The following KIAA1549L variants were observed in gnomAD, a reference collection of about 807,000 sequenced individuals.
The protein encoded by KIAA1549L is UPF0606 protein KIAA1549L.
KIAA1549L carries 88 observed loss-of-function variants against 160.7 expected under a neutral mutation model. That is an observed-to-expected ratio of 0.55 (90% CI 0.46 to 0.65). KIAA1549L has a LOEUF of 0.65. KIAA1549L is among the 30% of genes least tolerant of loss of function. The pLI is 0.00. For missense variants in KIAA1549L, 2,258 were observed against 2,437.5 expected (o/e 0.93, Z 1.55); for synonymous variants, 950 against 976.7 (o/e 0.97, Z 0.51).
intron 1 of KIAA1549L, among the ~76,000 whole-genome samples, chr11:33,436,030 C>G (rs1386557377): frequency 6.8e-6 from 1 of 146,310 alleles, no homozygotes; most frequent in Admixed American, 6.8e-5. Context: ...CAACTATTTA[C>G]ATAGTATTAT....
intron 1 of KIAA1549L, among the ~76,000 whole-genome samples, chr11:33,459,482 C>T (rs1250462033): frequency 6.6e-6 from 1 of 152,202 alleles, no homozygotes; most frequent in Non-Finnish European, 1.5e-5. Context: ...CCTTATGATG[C>T]TCAGCCCAGG....
chr11:33,622,780 T>A (rs1850994830), intron 16 of KIAA1549L, among the ~76,000 whole-genome samples: 1 of 152,138 alleles, frequency 6.6e-6, no homozygotes. Context: ...AGGGCAATAC[T>A]CAGGAAGCAG....
At chr11:33,420,920 G>C (rs891407954) in intron 1 of KIAA1549L, among the ~76,000 whole-genome samples, 2 of 152,084 alleles carry the variant, frequency 1.3e-5, no homozygotes, top group African/African-American at 4.8e-5. Context: ...GACTATTCTC[G>C]ATGGATGGAA....
intron 6 of KIAA1549L, among the ~76,000 whole-genome samples, chr11:33,555,700 G>T (rs146898424): frequency 6.6e-6 from 1 of 152,120 alleles, no homozygotes; most frequent in African/African-American, 2.4e-5. Context: ...ATCTAAAACC[G>T]TAGGACTTTT....
At chr11:33,443,758 G>C (rs1449794947) in intron 1 of KIAA1549L, among the ~76,000 whole-genome samples, 1 of 151,866 alleles carries the variant, frequency 6.6e-6, no homozygotes, top group Non-Finnish European at 1.5e-5. Flanking sequence ...TTGAAATACA[G>C]CTTTATTCAC....
At chr11:33,456,491 AC>A (rs1481410377) in intron 1 of KIAA1549L, among the ~76,000 whole-genome samples, 1 of 151,988 alleles carries the variant, frequency 6.6e-6, no homozygotes, top group Non-Finnish European at 1.5e-5. Flanking sequence ...GCTCACTGCA[AC>A]CTTGACCTTC....
At chr11:33,520,319 A>G (rs942893843) in intron 1 of KIAA1549L, among the ~76,000 whole-genome samples, 3 of 152,074 alleles carry the variant, frequency 2.0e-5, no homozygotes, top group Non-Finnish European at 4.4e-5. Context: ...AGTAACCACT[A>G]TTCTACTCTC....
intron 1 of KIAA1549L, among the ~76,000 whole-genome samples, chr11:33,416,843 TTTTA>T (rs772984029): frequency 5.9e-5 from 9 of 152,176 alleles, no homozygotes; most frequent in Non-Finnish European, 1.3e-4. Flanking sequence ...TATATTTTGG[TTTTA>T]CCTTCAGCTG....
intron 13 of KIAA1549L, chr11:33,599,431 A>G (rs1349431359): frequency 6.6e-6 from 1 of 151,444 alleles, no homozygotes; most frequent in Non-Finnish European, 1.5e-5. Flanking sequence ...GAGTCCAGAT[A>G]TTGCAACTCC....
At position 33,471,435 on chromosome 11, in the gene KIAA1549L, A is replaced by T. The variant is rs966424536; in HGVS notation, c.239-70367A>T. Among the ~76,000 whole-genome samples, 5 of 152,102 alleles carry T rather than the reference A, an allele frequency of 3.3e-5. No homozygotes were observed. The South Asian group carries it at 1.0e-3, about 32-fold the overall frequency. On this transcript the variant is annotated intron_variant, in intron 1 of 20. Transcript: ENST00000658780. ...TGAAGATTAAGGGGTCACTTGGAGT[A>T]ATCATGTAGGGCATAGCATTCTTCC... is the stretch of plus-strand genomic sequence containing the variant.
chr11:33,575,545 A>G (rs1337860247), intron 10 of KIAA1549L, among the ~76,000 whole-genome samples: 1 of 152,256 alleles, frequency 6.6e-6, no homozygotes, highest in African/African-American at 2.4e-5. Context: ...ACCACAGGAA[A>G]GGAAACTGAG....
At chr11:33,657,682 G>A (rs192391694) in intron 18 of KIAA1549L, among the ~76,000 whole-genome samples, 9 of 152,192 alleles carry the variant, frequency 5.9e-5, no homozygotes, top group African/African-American at 1.4e-4. Context: ...CTATAATCCC[G>A]GCTACTTGGG....
At chr11:33,615,571 T>C (rs1313472124) in intron 15 of KIAA1549L, among the ~76,000 whole-genome samples, 1 of 152,136 alleles carries the variant, frequency 6.6e-6, no homozygotes, top group Admixed American at 6.5e-5. Context: ...CAGGCCTGCA[T>C]TGGTGGTCTG....
At chr11:33,428,759 A>C (rs1851171280) in intron 1 of KIAA1549L, among the ~76,000 whole-genome samples, 2 of 152,164 alleles carry the variant, frequency 1.3e-5, no homozygotes, top group South Asian at 4.1e-4. Flanking sequence ...TGCAATAAAC[A>C]TATGTGTGCA....
chr11:33,452,916 G>GGA (rs1311380595), intron 1 of KIAA1549L, among the ~76,000 whole-genome samples: 2 of 152,174 alleles, frequency 1.3e-5, no homozygotes, highest in Non-Finnish European at 2.9e-5. Context: ...ATCTCTTGAT[G>GGA]AAGTGAGAGC....
chr11:33,541,665 T>C (rs1307329803), intron 1 of KIAA1549L, 137 bp from the exon 2 acceptor site: 1 of 154,588 alleles, frequency 6.5e-6, no homozygotes, highest in Non-Finnish European at 1.4e-5. Flanking sequence ...TAATTTGTTG[T>C]TTGACTCTGT....
At chr11:33,460,796 A>T (rs1851926403) in intron 1 of KIAA1549L, among the ~76,000 whole-genome samples, 1 of 152,168 alleles carries the variant, frequency 6.6e-6, no homozygotes. Context: ...CCTTGCAAAG[A>T]CTAGTGCAGG....
At chr11:33,658,183 G>A (rs547628754) in intron 18 of KIAA1549L, among the ~76,000 whole-genome samples, 5 of 152,230 alleles carry the variant, frequency 3.3e-5, no homozygotes, top group East Asian at 3.9e-4. Flanking sequence ...CTGATTGCCC[G>A]GGGAACAAAA....
chr11:33,636,319 T>G (rs1590423723), intron 16 of KIAA1549L, among the ~76,000 whole-genome samples: 1 of 151,804 alleles, frequency 6.6e-6, no homozygotes, highest in African/African-American at 2.4e-5. Context: ...TATCCTGAGG[T>G]TGCTACAATC....
Sources: allele counts gnomAD v4.1 joint callset (sites outside exome capture counted in the v4.1 genomes callset), GRCh38; gene constraint gnomAD v4.1.1; transcripts MANE v1.5; gene names NCBI Gene and HGNC (gene_info 2026-07-23, HGNC 2026-07-21).